Variants in NOTCH1 observed in about 807,000 individuals in gnomAD.
The protein encoded by NOTCH1 is notch receptor 1.
Under a neutral mutation model 254.8 loss-of-function variants are expected in NOTCH1, and 37 were observed. That is an observed-to-expected ratio of 0.15 (90% confidence interval 0.11 to 0.19). NOTCH1 has a LOEUF of 0.19. Ranked by LOEUF, NOTCH1 falls within the 10% of genes least tolerant of loss-of-function variation. The probability of loss-of-function intolerance (pLI) is 1.00; values close to 1 mark genes in which losing one functional copy is unlikely to be tolerated. For missense variants in NOTCH1, 2,972 were observed against 3,708.6 expected (o/e 0.80, Z 5.16); for synonymous variants, 1,731 against 1,618.1 (o/e 1.07, Z -1.68).
rs979299004 is a variant in NOTCH1, at chr9:136,522,979, C to G, written c.613G>C (p.Val205Leu). ...CHNEVGSYRC[V>L]CRATHTGPNC... ...GGGCCAGTGTGGGTGGCGCGGCAGA[C>G]GCAGCGGTAGGAGCCGACCTCGTTG... Residue 205 changes from valine (V) to leucine (L), a missense_variant, in exon 4 of 34, where the codon GTC becomes CTC. Around this residue, in one of 8 missense-constraint regions of NOTCH1, gnomAD observed 374 missense variants for 496.3 expected, o/e 0.75. Transcript: ENST00000651671. 1.3e-5 allele frequency: 21 copies of G among 1,558,604 alleles called. No homozygotes were observed. The African/African-American group carries it at 2.4e-4, about 18-fold the overall frequency.
chr9:136,500,508 G>A lies in NOTCH1; in HGVS notation c.5934+44C>T, dbSNP rs764185719. On this transcript the variant is annotated intron_variant, in intron 31 of 33. Coordinates refer to ENST00000651671, the MANE Select transcript of NOTCH1 (RefSeq NM_017617.5). ...TGGCCACTGCCCCAGACCACCAGGC[G>A]GCCCTGAGGAGGGCAGGTGGGCACA... 15 of 1,600,378 alleles carry A rather than the reference G, an allele frequency of 9.4e-6. No individual in the cohort carries two copies. The African/African-American group carries it at 1.2e-4, about 13-fold the overall frequency.
chr9:136,542,464 T>G (rs1022390557), intron 2 of NOTCH1, among the ~76,000 whole-genome samples: 2 of 148,882 alleles, frequency 1.3e-5, no homozygotes, highest in African/African-American at 5.0e-5. Flanking sequence ...CAGCTGTCGG[T>G]CTCTGAATGA....
rs1233090768 is a variant in NOTCH1 at position 136,498,912 on chromosome 9, A to G, written c.6167T>C (p.Met2056Thr). The change falls in exon 33 of 34, where the codon ATG (methionine) becomes ACG (threonine). Residue 2056 changes from methionine to threonine, a missense_variant. Around this residue, in one of 8 missense-constraint regions of NOTCH1, gnomAD observed 421 missense variants for 604.4 expected, o/e 0.70. Transcript: ENST00000651671. Reference sequence around the variant, plus strand: ...CCTCGCGCTCACCCTGTTGTTCTGCATATCTTTGTTAGCCCCGTTCTTCAG... The same window carrying G: ...CCTCGCGCTCACCCTGTTGTTCTGCGTATCTTTGTTAGCCCCGTTCTTCAG... Reference protein sequence around the residue: ...VLLKNGANKDMQNNREETPLF... With the variant: ...VLLKNGANKDTQNNREETPLF... 13 of 1,613,498 alleles carry G rather than the reference A, an allele frequency of 8.1e-6. No individual in the cohort carries two copies. The highest frequency in any genetic ancestry group is 2.2e-5 in the East Asian group (1 of 44,890).
At chr9:136,509,654 TG>T in intron 18 of NOTCH1, 78 bp downstream of exon 18, 1 of 1,337,778 alleles carries the variant, frequency 7.5e-7, no homozygotes, top group South Asian at 1.2e-5. Context: ...GACGCCTGCA[TG>T]GTGTGCCAGG....
At position 136,515,704 on chromosome 9, in the gene NOTCH1, G is replaced by A. The variant is rs560030759; in HGVS notation, c.1682C>T (p.Thr561Met). The change falls in exon 11 of 34, where the codon ACG becomes ATG. Residue 561 changes from threonine to methionine, a missense_variant. Around this residue, in one of 8 missense-constraint regions of NOTCH1, gnomAD observed 128 missense variants for 193.8 expected, o/e 0.66. Coordinates refer to ENST00000651671, the MANE Select transcript of NOTCH1 (RefSeq NM_017617.5). ...TCVCTEGYTGTHCEVDIDECD... is the reference protein window; with the variant it reads ...TCVCTEGYTGMHCEVDIDECD... ...CTCATCGATGTCCACCTCGCAGTGC[G>A]TCCCCGTGTACCCTGGACCGTGGGA... The A allele has an allele frequency of 2.9e-5, 45 of 1,541,664 alleles. No homozygotes were observed. Among genetic ancestry groups the A allele is most frequent in the Admixed American group, 2.3e-4 (12 of 51,360 alleles).
At chr9:136,509,697 C>T (rs755836065) in intron 18 of NOTCH1, 36 bp downstream of exon 18, 36 of 1,592,382 alleles carry the variant, frequency 2.3e-5, no homozygotes, top group African/African-American at 1.7e-4. Context: ...CCGCACCGCC[C>T]GTTCCCTTCC....
At position 136,497,436 on chromosome 9, in the gene NOTCH1, T is replaced by A. The variant is rs376501190; in HGVS notation, c.6303A>T (p.Ala2101=). The A allele has an allele frequency of 5.6e-6, 9 of 1,612,128 alleles. No individual in the cohort carries two copies. The African/African-American group carries it at 1.1e-4, about 19-fold the overall frequency. Residue 2101 remains alanine (A), a synonymous_variant, in exon 34 of 34, where the codon GCA becomes GCT. Transcript: ENST00000651671. ...DHMDRLPRDI[A]QERMHHDIVR... The stretch of plus-strand genomic sequence containing the variant: ...CGATGTCGTGATGCATGCGCTCCTG[T>A]GCGATGTCGCGCGGCAGGCGGTCCA...
chr9:136,539,134 A>G (rs919469068), intron 2 of NOTCH1, among the ~76,000 whole-genome samples: 2 of 152,172 alleles, frequency 1.3e-5, no homozygotes, highest in Admixed American at 1.3e-4. Flanking sequence ...CCCCTGGTGC[A>G]CTGTCTGCCC....
At chr9:136,539,700 C>T (rs1266654166) in intron 2 of NOTCH1, among the ~76,000 whole-genome samples, 2 of 152,234 alleles carry the variant, frequency 1.3e-5, no homozygotes, top group Non-Finnish European at 2.9e-5. Flanking sequence ...AGACCAGGTT[C>T]TGCATAAACA....
At position 136,545,644 on chromosome 9, in the gene NOTCH1, G is replaced by A; in HGVS notation, c.61+82C>T. The stretch of plus-strand genomic sequence containing the variant: ...CTGGCCTCCCCGCCGCCCGCTCCCA[G>A]CCGTGGGGCGCGCGCGCCGGGCGCC... On this transcript the variant is annotated intron_variant, in intron 1 of 33. Transcript: ENST00000651671. The surrounding 1 kb of genome is among the most constrained non-coding windows in gnomAD (Gnocchi z 6.8). 8.3e-7 allele frequency: 1 copy of A among 1,204,070 alleles called. No homozygotes were observed. The highest frequency in any genetic ancestry group is 1.1e-6 in the Non-Finnish European group (1 of 894,724). 74.6% of individuals were successfully genotyped at this position (1,204,070 alleles called of 1,614,324 possible).
intron 15 of NOTCH1, among the ~76,000 whole-genome samples, chr9:136,512,156 C>T (rs1054266038): frequency 3.9e-5 from 6 of 152,248 alleles, no homozygotes; most frequent in Admixed American, 1.3e-4. Context: ...GCCCGATCGA[C>T]GTGTCTGAAA....
rs371180086 is a variant in NOTCH1 at position 136,508,154 on chromosome 9, G to T, written c.3326-15C>A. 2.0e-5 allele frequency: 32 copies of T among 1,608,086 alleles called. No homozygotes were observed. The highest frequency in any genetic ancestry group is 2.5e-5 in the Non-Finnish European group (29 of 1,179,610). ...AACGTCAACACCTGCGGGGGATGGG[G>T]TGGTAGACAGGTGAGGCCCAGGCCC... On this transcript the variant is annotated splice_polypyrimidine_tract_variant and intron_variant, in intron 20 of 33. Coordinates refer to ENST00000651671, the MANE Select transcript of NOTCH1 (RefSeq NM_017617.5).
chr9:136,533,258 AAGGGGG>A (rs1354037388), intron 2 of NOTCH1, among the ~76,000 whole-genome samples: 5 of 51,002 alleles, frequency 9.8e-5, no homozygotes, highest in East Asian at 2.8e-3. Flanking sequence ...GTGGAGGCCC[AAGGGGG>A]GGACTCTGGC....
chr9:136,508,820 C>T (rs887446197), intron 19 of NOTCH1, 50 bp downstream of exon 19: 3 of 1,498,968 alleles, frequency 2.0e-6, no homozygotes, highest in Non-Finnish European at 2.7e-6. Context: ...CGCAGGTAGG[C>T]ACCCACCCAG....
chr9:136,501,176 G>A (rs1003330683), intron 30 of NOTCH1, among the ~76,000 whole-genome samples: 5 of 152,254 alleles, frequency 3.3e-5, no homozygotes, highest in Non-Finnish European at 7.3e-5. Flanking sequence ...GGCTCACGCT[G>A]TCATCCTAGC....
At chr9:136,544,137 C>T (rs1298765416) in intron 1 of NOTCH1, 35 bp from the exon 2 acceptor site, 2 of 1,536,840 alleles carry the variant, frequency 1.3e-6, no homozygotes, top group East Asian at 2.4e-5. Flanking sequence ...GTCAGTCTCA[C>T]CCGCACCACC....
chr9:136,516,474 G>A (rs1353780054), intron 9 of NOTCH1, among the ~76,000 whole-genome samples: 4 of 152,174 alleles, frequency 2.6e-5, no homozygotes, highest in African/African-American at 9.7e-5. Context: ...CCAGCTCTGG[G>A]ACAGATGGAA....
chr9:136,524,916 G>A (rs1423916240), intron 2 of NOTCH1, among the ~76,000 whole-genome samples: 4 of 152,136 alleles, frequency 2.6e-5, no homozygotes, highest in Admixed American at 2.0e-4. Context: ...GATTACAGGC[G>A]TAAGCCACCG....
intron 21 of NOTCH1, 137 bp from the exon 22 acceptor site, chr9:136,507,574 G>T (rs745368515): frequency 4.0e-6 from 5 of 1,259,396 alleles, no homozygotes; most frequent in Non-Finnish European, 5.6e-6. Context: ...CCTCGCTCCT[G>T]TCAGACCTGG....
Sources: gnomAD v4.1 joint callset for allele counts (sites outside exome capture counted in the v4.1 genomes callset) on GRCh38, gnomAD v4.1.1 for gene constraint, gnomAD v4.1.1 regional missense constraint, Gnocchi (gnomAD v3.1) non-coding constraint, MANE v1.5 for transcripts, NCBI Gene and HGNC (gene_info 2026-07-23, HGNC 2026-07-21) for gene names.